The following DOCK9 variants were observed in gnomAD, a reference collection of about 807,000 sequenced individuals.
DOCK9 encodes dedicator of cytokinesis 9.
DOCK9 carries 89 observed loss-of-function variants against 263.3 expected under a neutral mutation model. The observed-to-expected ratio is 0.34, with a 90% confidence interval of 0.28 to 0.40. DOCK9 has a LOEUF of 0.40. Ranked by LOEUF, DOCK9 falls within the 10% of genes least tolerant of loss-of-function variation. DOCK9 has a pLI of 1.00. For synonymous variants in DOCK9, 976 were observed against 973.1 expected, an observed-to-expected ratio of 1.00 and a Z score of -0.06; for missense variants, 2,140 against 2,603.4, an observed-to-expected ratio of 0.82 and a Z score of 3.87.
chr13:98,898,273 G>C lies in DOCK9; in HGVS notation c.1504-12C>G. On this transcript the variant is annotated splice_polypyrimidine_tract_variant and intron_variant, in intron 13 of 52. Transcript: ENST00000682017. ...ACCTTCTGGGCCACCTTGAAGACATGAGAATAAAGCTATGAGATACTGCAT... is the reference window on the plus strand; with the variant it reads ...ACCTTCTGGGCCACCTTGAAGACATCAGAATAAAGCTATGAGATACTGCAT... 1 of 1,604,548 alleles carries C rather than the reference G, an allele frequency of 6.2e-7. No individual in the cohort carries two copies.
intron 9 of DOCK9, among the ~76,000 whole-genome samples, chr13:98,906,647 A>G (rs1401733932): frequency 6.6e-6 from 1 of 152,210 alleles, no homozygotes; most frequent in Non-Finnish European, 1.5e-5. Context: ...TGTTGGTGAC[A>G]GAACAAAGTC....
Position 98,951,949 on chromosome 13 carries a change from G to A in DOCK9, c.243+3486C>T, listed in dbSNP as rs144951034. Among the ~76,000 whole-genome samples, 372 of 136,862 alleles carry A rather than the reference G, an allele frequency of 2.7e-3. 2 individuals carry two copies. Among genetic ancestry groups the A allele is most frequent in the African/African-American group, 9.8e-3 (357 of 36,404 alleles). The allele number at this position is 136,862 out of a possible 152,430, so 89.8% of individuals were successfully genotyped here. A position where few individuals can be genotyped will look rare whatever the true frequency, so the allele number is the denominator to read the frequency against. On this transcript the variant is annotated intron_variant, in intron 2 of 52. Coordinates refer to ENST00000682017, the MANE Select transcript of DOCK9 (RefSeq NM_001366683.2). ...TTTTCCTCTTGTCCCCCAGGCTGGA[G>A]TGCAATGGCGCGATCTTGGCTCACT...
chr13:98,874,095 A>T (rs1420618692), intron 27 of DOCK9, among the ~76,000 whole-genome samples: 12 of 152,218 alleles, frequency 7.9e-5, no homozygotes, highest in Non-Finnish European at 1.6e-4. Flanking sequence ...AAGTGAATAT[A>T]ACTGTAACCA....
At position 98,815,781 on chromosome 13, in the gene DOCK9, G is replaced by A. The variant is rs9554529; in HGVS notation, c.5131-5490C>T. On this transcript the variant is annotated intron_variant, in intron 45 of 52. Transcript: ENST00000682017. ...CAGGCGTGAGCCACCGCGCCCGGCC[G>A]AGAAATGTAAAGTTTTTGTGGAAAA... 0.02 allele frequency among the ~76,000 whole-genome samples: 3,048 copies of A among 152,176 alleles called. 440 individuals carry two copies. In the East Asian group the frequency reaches 0.39, roughly 20 times the overall value.
intron 1 of DOCK9, chr13:99,015,505 T>C (rs1595912045): frequency 6.3e-6 from 10 of 1,598,242 alleles, no homozygotes; most frequent in Non-Finnish European, 8.5e-6. Flanking sequence ...TGCTGTATAT[T>C]CAAGGGCATT....
upstream of DOCK9, among the ~76,000 whole-genome samples, chr13:99,087,192 G>C (rs932381666): frequency 2.0e-5 from 3 of 152,148 alleles, no homozygotes; most frequent in African/African-American, 7.2e-5. Flanking sequence ...GGCGCCGCGC[G>C]CTCGTGTGGC....
chr13:99,068,567 C>G (rs889312980), intron 1 of DOCK9, among the ~76,000 whole-genome samples: 1 of 152,020 alleles, frequency 6.6e-6, no homozygotes, highest in African/African-American at 2.4e-5. Context: ...GGCGACAAAG[C>G]GAGACTCCAT....
chr13:98,823,316 A>T (rs2092378844), intron 45 of DOCK9, among the ~76,000 whole-genome samples: 1 of 152,172 alleles, frequency 6.6e-6, no homozygotes, highest in Non-Finnish European at 1.5e-5. Context: ...ACCGCCTCAA[A>T]GACTCACTGA....
chr13:98,973,794 C>T (rs1261300666), intron 1 of DOCK9, among the ~76,000 whole-genome samples: 2 of 152,098 alleles, frequency 1.3e-5, no homozygotes, highest in Non-Finnish European at 2.9e-5. Flanking sequence ...GACGGAGTTT[C>T]GCCATGTTGC....
At chr13:98,959,618 G>A (rs1300185084) in intron 1 of DOCK9, 6 of 152,380 alleles carry the variant, frequency 3.9e-5, no homozygotes, top group African/African-American at 7.2e-5. Flanking sequence ...GTCCTTTGAC[G>A]GGGGAAAGAA....
At chr13:99,033,576 C>T (rs182196199) in intron 1 of DOCK9, among the ~76,000 whole-genome samples, 1 of 152,308 alleles carries the variant, frequency 6.6e-6, no homozygotes, top group East Asian at 1.9e-4. Flanking sequence ...AATGGAAGCT[C>T]GTGCATCTTT....
Position 98,829,288 on chromosome 13 carries a change from C to A in DOCK9, c.4965+19G>T. The A allele has an allele frequency of 3.1e-6, 5 of 1,597,704 alleles. 1 individual carries two copies. Among genetic ancestry groups the A allele is most frequent in the South Asian group, 2.2e-5 (2 of 88,912 alleles). On this transcript the variant is annotated intron_variant, in intron 43 of 52. Transcript: ENST00000682017. The surrounding 1 kb of genome is among the most constrained non-coding windows in gnomAD (Gnocchi z 4.1). ...TGGTTTTTTCAAAAACCCATTCAAG[C>A]GGCTGGCAGGGCTACTACCTCTGAG...
In DOCK9 at chr13:98,923,310, T is replaced by C; in HGVS notation, c.478A>G (p.Lys160Glu). 6.2e-7 allele frequency: 1 copy of C among 1,613,802 alleles called. No homozygotes were observed. Among genetic ancestry groups the C allele is most frequent in the Non-Finnish European group, 8.5e-7 (1 of 1,179,684 alleles). The change falls in exon 5 of 53, where the codon AAA (lysine) becomes GAA (glutamate). Residue 160 changes from lysine to glutamate, a missense_variant. By Grantham distance (56) the Lys-to-Glu change is moderately conservative. Around this residue, in one of 2 missense-constraint regions of DOCK9, gnomAD observed 1,521 missense variants for 1,741.7 expected, o/e 0.87. Coordinates refer to ENST00000682017, the MANE Select transcript of DOCK9 (RefSeq NM_001366683.2). The part of the protein sequence containing the change: ...HVYEVDEEVD[K>E]DEDAASLGSQ... Reference sequence around the variant, plus strand: ...GCAAGCAGGTATCCCACCTCATCTTTGTCGACCTCCTCGTCAACTTCATAG... The same window carrying C: ...GCAAGCAGGTATCCCACCTCATCTTCGTCGACCTCCTCGTCAACTTCATAG...
At chr13:98,989,418 T>A (rs942894481) in intron 1 of DOCK9, among the ~76,000 whole-genome samples, 4 of 151,874 alleles carry the variant, frequency 2.6e-5, no homozygotes, top group African/African-American at 9.7e-5. Flanking sequence ...AACTTCTGAA[T>A]CGGAATCCTG....
At position 98,797,161 on chromosome 13, in the gene DOCK9, T is replaced by C. The variant is rs756476652; in HGVS notation, c.6110A>G (p.Asn2037Ser). 11 of 1,614,022 alleles carry C rather than the reference T, an allele frequency of 6.8e-6. No individual in the cohort carries two copies. The highest frequency in any genetic ancestry group is 2.2e-5 in the East Asian group (1 of 44,886). Residue 2037 changes from asparagine (N) to serine (S), a missense_variant, in exon 52 of 53, where the codon AAC becomes AGC. This residue lies in a region of DOCK9 where 619 missense variants were observed against 861.8 expected (regional missense o/e 0.72). Coordinates refer to ENST00000682017, the MANE Select transcript of DOCK9 (RefSeq NM_001366683.2). Reference sequence around the variant, plus strand: ...AAGCTCCTTCGCCATTTCCCTGTAGTTGGCTTTCATTTCTTCCTGATACTC... The same window carrying C: ...AAGCTCCTTCGCCATTTCCCTGTAGCTGGCTTTCATTTCTTCCTGATACTC... ...QLEYQEEMKANYREMAKELSE... is the reference protein window; with the variant it reads ...QLEYQEEMKASYREMAKELSE...
intron 1 of DOCK9, among the ~76,000 whole-genome samples, chr13:99,005,988 T>C (rs1883272125): frequency 1.3e-5 from 2 of 152,250 alleles, no homozygotes; most frequent in African/African-American, 4.8e-5. Context: ...GAATATCTGA[T>C]CTCAGATAGG....
intron 1 of DOCK9, chr13:99,015,849 T>G: frequency 9.0e-7 from 1 of 1,106,344 alleles, no homozygotes; most frequent in Non-Finnish European, 1.1e-6. Context: ...ATGACACACC[T>G]CGGATGCACC....
At position 98,955,530 on chromosome 13, in the gene DOCK9, G is replaced by A. The variant is rs1302697726; in HGVS notation, c.148C>T (p.Pro50Ser). Reference protein sequence around the residue: ...PVPAKPKLIEPLDYENVIVQK... With the variant: ...PVPAKPKLIESLDYENVIVQK... ...ACGATGACATTTTCATAGTCGAGTG[G>A]CTCAATTAGCTTTGGCTTTGCCTGG... The change falls in exon 2 of 53, where the codon CCA (proline) becomes TCA (serine). Residue 50 changes from proline (P) to serine (S), a missense_variant. Pro to Ser is a moderately conservative substitution (Grantham distance 74, BLOSUM62 -1). This residue lies in a region of DOCK9 where 1,521 missense variants were observed against 1,741.7 expected (regional missense o/e 0.87). Transcript: ENST00000682017. 28 of 1,592,588 alleles carry A rather than the reference G, an allele frequency of 1.8e-5. No individual in the cohort carries two copies. The highest frequency in any genetic ancestry group is 2.4e-5 in the Non-Finnish European group (28 of 1,168,104).
chr13:98,881,478 G>A (rs946431388), intron 25 of DOCK9, 80 bp downstream of exon 25: 8 of 1,145,260 alleles, frequency 7.0e-6, no homozygotes, highest in Non-Finnish European at 1.0e-5. Context: ...CAAATAACCA[G>A]GCTTGTGAAA....
Sources: allele counts gnomAD v4.1 joint callset (sites outside exome capture counted in the v4.1 genomes callset), GRCh38; gene constraint gnomAD v4.1.1; regional missense constraint gnomAD v4.1.1; non-coding constraint Gnocchi (gnomAD v3.1); transcripts MANE v1.5; gene names NCBI Gene and HGNC (gene_info 2026-07-23, HGNC 2026-07-21).